LMO7: variants seen among roughly 807,000 people sequenced by gnomAD.
The protein encoded by LMO7 is LIM domain only protein 7.
In LMO7, 120 loss-of-function variants were observed where a neutral mutation model predicts 206.5. That is an observed-to-expected ratio of 0.58 (90% CI 0.50 to 0.68). LMO7 has a LOEUF of 0.68. Ranked by LOEUF, LMO7 falls within the 30% of genes least tolerant of loss-of-function variation. The pLI, the probability that LMO7 is intolerant of heterozygous loss-of-function variation, is 0.00. For synonymous variants in LMO7, 706 were observed against 681.5 expected (o/e 1.04, Z -0.56); for missense variants, 1,959 against 1,957.9 (o/e 1.00, Z -0.01).
At chr13:75,783,462 T>A (rs1286900787) in intron 4 of LMO7, among the ~76,000 whole-genome samples, 1 of 152,166 alleles carries the variant, frequency 6.6e-6, no homozygotes, top group African/African-American at 2.4e-5. Context: ...TAGCTAGGAC[T>A]ACAGGCCTCA....
intron 8 of LMO7, chr13:75,804,782 G>T: frequency 9.2e-7 from 1 of 1,090,814 alleles, no homozygotes; most frequent in Non-Finnish European, 1.2e-6. Flanking sequence ...TCAGTTTATT[G>T]GTATTTTTCA....
At chr13:75,715,326 A>G (rs144405431) in intron 2 of LMO7, among the ~76,000 whole-genome samples, 2 of 152,370 alleles carry the variant, frequency 1.3e-5, no homozygotes, top group East Asian at 3.9e-4. Flanking sequence ...TAGAATAAAT[A>G]TGTAATTTCT....
intron 27 of LMO7, 30 bp downstream of exon 27, chr13:75,849,322 G>A: frequency 1.3e-6 from 2 of 1,520,092 alleles, no homozygotes; most frequent in Non-Finnish European, 1.8e-6. Flanking sequence ...TTGGTTTCTT[G>A]TCTTTACTGT....
At chr13:75,691,140 A>G (rs1292963816) in intron 1 of LMO7, among the ~76,000 whole-genome samples, 1 of 151,722 alleles carries the variant, frequency 6.6e-6, no homozygotes, top group Non-Finnish European at 1.5e-5. Flanking sequence ...AAACAAAACT[A>G]GAAGATTTCT....
chr13:75,791,199 C>A (rs1320380620), intron 4 of LMO7, among the ~76,000 whole-genome samples: 4 of 151,922 alleles, frequency 2.6e-5, no homozygotes, highest in African/African-American at 9.7e-5. Context: ...TGTATTCAGT[C>A]CTTTGAAGTT....
intron 1 of LMO7, among the ~76,000 whole-genome samples, chr13:75,652,614 AGTGTGTGTGTGTGTGT>A (rs59671117): frequency 6.1e-4 from 84 of 137,938 alleles, no homozygotes; most frequent in Middle Eastern, 3.9e-3. Flanking sequence ...CCACAAGTTC[AGTGTGTGTGTGTGTGT>A]GTGTGTGTGT....
intron 3 of LMO7, among the ~76,000 whole-genome samples, chr13:75,731,773 G>C (rs1294985750): frequency 6.6e-6 from 1 of 152,082 alleles, no homozygotes; most frequent in Non-Finnish European, 1.5e-5. Context: ...GGTATCAGTT[G>C]TTCCTTTCCA....
intron 4 of LMO7, among the ~76,000 whole-genome samples, chr13:75,765,958 A>G (rs1398712746): frequency 6.6e-6 from 1 of 152,126 alleles, no homozygotes; most frequent in Non-Finnish European, 1.5e-5. Context: ...CTGTATCTTT[A>G]AAACGATCCT....
chr13:75,716,720 T>C (rs1307980866), intron 2 of LMO7, among the ~76,000 whole-genome samples: 1 of 152,232 alleles, frequency 6.6e-6, no homozygotes, highest in East Asian at 1.9e-4. Flanking sequence ...TTAAAAAATA[T>C]AAAAGATGTA....
At chr13:75,654,486 C>G (rs1393483846) in intron 1 of LMO7, among the ~76,000 whole-genome samples, 1 of 113,754 alleles carries the variant, frequency 8.8e-6, no homozygotes, top group African/African-American at 2.8e-5. Context: ...GATAGAGCCT[C>G]TAGGTTGCAG....
At chr13:75,842,019 C>A in intron 24 of LMO7, 36 bp downstream of exon 24, 2 of 1,496,360 alleles carry the variant, frequency 1.3e-6, no homozygotes, top group Non-Finnish European at 1.8e-6. Context: ...AAAGGCTTAG[C>A]TGTATCCATT....
intron 1 of LMO7, among the ~76,000 whole-genome samples, chr13:75,699,582 A>T (rs2042136829): frequency 6.6e-6 from 1 of 152,020 alleles, no homozygotes. Flanking sequence ...CCCAAGCTGC[A>T]AAACCAACAC....
At chr13:75,700,265 TTAAAG>T (rs1251450670) in intron 1 of LMO7, among the ~76,000 whole-genome samples, 13 of 152,178 alleles carry the variant, frequency 8.5e-5, no homozygotes, top group Admixed American at 2.0e-4. Context: ...GATTAAGAGA[TTAAAG>T]TAAAGACAGG....
chr13:75,724,757 TG>T (rs1168208151), intron 2 of LMO7, among the ~76,000 whole-genome samples: 1 of 152,186 alleles, frequency 6.6e-6, no homozygotes, highest in Non-Finnish European at 1.5e-5. Flanking sequence ...CAAAATTTAA[TG>T]GGTGTTCAGT....
chr13:75,629,359 CT>C (rs777142646), intron 2 of LMO7, among the ~76,000 whole-genome samples: 2 of 151,792 alleles, frequency 1.3e-5, no homozygotes, highest in Non-Finnish European at 2.9e-5. Flanking sequence ...TCTTAAATTG[CT>C]TATGGTTCAG....
chr13:75,840,052 A>AT (rs780536623), intron 20 of LMO7, 33 bp from the exon 21 acceptor site: 2 of 1,608,108 alleles, frequency 1.2e-6, no homozygotes, highest in South Asian at 2.2e-5. Context: ...TATATTGTAT[A>AT]TTTTTCTTCC....
intron 1 of LMO7, among the ~76,000 whole-genome samples, chr13:75,682,747 C>T (rs1229750587): frequency 1.3e-5 from 2 of 152,178 alleles, no homozygotes; most frequent in African/African-American, 4.8e-5. Context: ...TTGTTCCCCA[C>T]ACATCTTGAC....
rs771842877 is a variant in LMO7 at position 75,834,374 on chromosome 13, C to T, written c.3213C>T (p.Arg1071=). 1 of 1,596,382 alleles carries T rather than the reference C, an allele frequency of 6.3e-7. No individual in the cohort carries two copies. Among genetic ancestry groups the T allele is most frequent in the Non-Finnish European group, 8.5e-7 (1 of 1,171,814 alleles). The change falls in exon 17 of 31, where the codon CGC becomes CGT. Residue 1071 remains arginine, a synonymous_variant. Coordinates refer to ENST00000377534, the MANE Select transcript of LMO7 (RefSeq NM_001306080.2). ...ETGHLVMDVR[R]YGKAGSPETK... ...GACACCTAGTGATGGATGTGAGGCG[C>T]TATGGAAAGGCTGGTGAGTTTGTGT...
At chr13:75,623,579 T>G (rs1387284971) in intron 2 of LMO7, among the ~76,000 whole-genome samples, 2 of 151,918 alleles carry the variant, frequency 1.3e-5, no homozygotes, top group Non-Finnish European at 2.9e-5. Context: ...GCTAGGCTGG[T>G]TTGGAACTCA....
Sources: gnomAD v4.1 joint callset for allele counts (sites outside exome capture counted in the v4.1 genomes callset) on GRCh38, gnomAD v4.1.1 for gene constraint, MANE v1.5 for transcripts, NCBI Gene and HGNC (gene_info 2026-07-23, HGNC 2026-07-21) for gene names.